Variants in CDK5RAP2 observed in about 807,000 individuals in gnomAD.
CDK5RAP2 encodes CDK5 regulatory subunit associated protein 2, also known as CDK5 regulatory subunit-associated protein 2.
A neutral mutation model predicts 232.9 loss-of-function variants in CDK5RAP2; 147 were observed. The ratio of observed to expected loss-of-function variants is 0.63; its 90% CI spans 0.55 to 0.72. The LOEUF is 0.72. CDK5RAP2 is among the 30% of genes least tolerant of loss of function. The pLI is 0.00. For synonymous variants in CDK5RAP2, 833 were observed against 833.7 expected (o/e 1.00, Z 0.01); for missense variants, 2,195 against 2,231.5 (o/e 0.98, Z 0.33).
rs2040466736 is a variant in CDK5RAP2, at chr9:120,518,528, T to C, written c.1210A>G (p.Ile404Val). ...NHRLRRSIKK[I>V]TQELSDLQQE... ...TGCAAGTCACTCAGCTCCTGGGTGA[T>C]CTTCTTAATGCTTCTACGCAGTCTG... Residue 404 changes from isoleucine (I) to valine (V), a missense_variant, in exon 12 of 38, where the codon ATC (isoleucine) becomes GTC (valine). Coordinates refer to ENST00000349780, the MANE Select transcript of CDK5RAP2 (RefSeq NM_018249.6). 3 of 1,613,732 alleles carry C rather than the reference T, an allele frequency of 1.9e-6. No individual in the cohort carries two copies. The highest frequency in any genetic ancestry group is 2.5e-6 in the Non-Finnish European group (3 of 1,179,928).
intron 22 of CDK5RAP2, among the ~76,000 whole-genome samples, chr9:120,445,159 T>C (rs1429822944): frequency 6.6e-6 from 1 of 152,232 alleles, no homozygotes; most frequent in African/African-American, 2.4e-5. Context: ...CCAAGGACAC[T>C]GCTTCTCCCG....
intron 27 of CDK5RAP2, among the ~76,000 whole-genome samples, chr9:120,417,453 T>A (rs997400007): frequency 2.6e-5 from 4 of 152,354 alleles, no homozygotes; most frequent in African/African-American, 9.6e-5. Context: ...GCTAGTCAGG[T>A]AGGAGTCAGT....
chr9:120,524,851 C>T, intron 11 of CDK5RAP2, 135 bp downstream of exon 11: 1 of 673,252 alleles, frequency 1.5e-6, no homozygotes, highest in Middle Eastern at 4.1e-4. Context: ...TTTAATTAGA[C>T]TAGCAAATTC....
At chr9:120,528,658 C>A in intron 9 of CDK5RAP2, 86 bp downstream of exon 9, 1 of 845,726 alleles carries the variant, frequency 1.2e-6, no homozygotes, top group East Asian at 2.5e-5. Context: ...TACTGTGACA[C>A]AGAATTATCT....
At chr9:120,454,617 A>T (rs2036653347) in intron 20 of CDK5RAP2, among the ~76,000 whole-genome samples, 2 of 152,242 alleles carry the variant, frequency 1.3e-5, no homozygotes, top group African/African-American at 2.4e-5. Context: ...CCATAGACAT[A>T]GTCCCACCTC....
intron 2 of CDK5RAP2, among the ~76,000 whole-genome samples, chr9:120,570,683 AC>A (rs1288706333): frequency 2.6e-5 from 4 of 152,076 alleles, no homozygotes; most frequent in Non-Finnish European, 5.9e-5. Flanking sequence ...TACTAAAAAT[AC>A]AAAAATTAGC....
At chr9:120,506,705 G>A (rs1419724971) in intron 12 of CDK5RAP2, among the ~76,000 whole-genome samples, 2 of 152,166 alleles carry the variant, frequency 1.3e-5, no homozygotes, top group Non-Finnish European at 2.9e-5. Context: ...GGTGGAAATA[G>A]CAAGAGAACT....
intron 20 of CDK5RAP2, among the ~76,000 whole-genome samples, chr9:120,454,590 G>A (rs73660250): frequency 5.3e-5 from 8 of 152,240 alleles, no homozygotes; most frequent in African/African-American, 1.2e-4. Flanking sequence ...CTTCAGCTGC[G>A]GCTGTGTGGA....
At chr9:120,473,476 C>T (rs1015188757) in intron 15 of CDK5RAP2, among the ~76,000 whole-genome samples, 1 of 152,200 alleles carries the variant, frequency 6.6e-6, no homozygotes, top group Admixed American at 6.5e-5. Flanking sequence ...AAAGAAGCCC[C>T]GCTTCTCCTT....
At chr9:120,421,556 A>G (rs1457859923) in intron 26 of CDK5RAP2, among the ~76,000 whole-genome samples, 2 of 152,146 alleles carry the variant, frequency 1.3e-5, no homozygotes, top group Non-Finnish European at 2.9e-5. Flanking sequence ...ACTGGTCTCT[A>G]TTTTATTCCC....
chr9:120,545,030 T>C (rs1487580005), intron 5 of CDK5RAP2, among the ~76,000 whole-genome samples: 1 of 152,190 alleles, frequency 6.6e-6, no homozygotes, highest in East Asian at 1.9e-4. Flanking sequence ...TTGTTCAATA[T>C]TTTAATAAAT....
At chr9:120,518,725 G>A (rs1012181340) in intron 11 of CDK5RAP2, 80 bp from the exon 12 acceptor site, 49 of 1,100,788 alleles carry the variant, frequency 4.5e-5, no homozygotes, top group African/African-American at 2.2e-4. Context: ...GCTCTTTTTC[G>A]CCGTGGGGGA....
At chr9:120,568,216 G>T in intron 3 of CDK5RAP2, 105 bp downstream of exon 3, 1 of 870,226 alleles carries the variant, frequency 1.1e-6, no homozygotes, top group Non-Finnish European at 2.0e-6. Flanking sequence ...CCTGCCTCTG[G>T]CATCACCGAA....
At chr9:120,468,582 G>C (rs936503152) in intron 17 of CDK5RAP2, among the ~76,000 whole-genome samples, 1 of 152,230 alleles carries the variant, frequency 6.6e-6, no homozygotes, top group African/African-American at 2.4e-5. Context: ...CTGAGGAGGG[G>C]AACAGACTAG....
chr9:120,476,656 G>A (rs2038030319), intron 15 of CDK5RAP2, among the ~76,000 whole-genome samples: 2 of 149,428 alleles, frequency 1.3e-5, no homozygotes. Flanking sequence ...TCCAGCCTGG[G>A]CAACAGAGCA....
intron 20 of CDK5RAP2, among the ~76,000 whole-genome samples, chr9:120,457,363 G>A (rs2036840246): frequency 6.6e-6 from 1 of 152,104 alleles, no homozygotes; most frequent in African/African-American, 2.4e-5. Flanking sequence ...ATTCCCACAT[G>A]GCCCTCAGAC....
At chr9:120,400,978 G>A (rs2032959598) in intron 34 of CDK5RAP2, 93 bp from the exon 35 acceptor site, 5 of 1,428,180 alleles carry the variant, frequency 3.5e-6, no homozygotes, top group East Asian at 4.7e-5. Context: ...CCAGACTGTA[G>A]GGCTTCTGTT....
At chr9:120,476,030 G>GGA (rs2037988280) in intron 15 of CDK5RAP2, among the ~76,000 whole-genome samples, 1 of 152,108 alleles carries the variant, frequency 6.6e-6, no homozygotes, top group African/African-American at 2.4e-5. Flanking sequence ...AGGACTGGGA[G>GGA]GAGACAAAGT....
At position 120,409,177 on chromosome 9, in the gene CDK5RAP2, G is replaced by A. The variant is rs1393037639; in HGVS notation, c.4554C>T (p.His1518=). The stretch of plus-strand genomic sequence containing the variant: ...GGACCTCCTGGATCAGCTGCTGGTT[G>A]TGTCTCTCCTTCTCGCTGCCTTCTT... ...LQKEGSEKER[H]NQQLIQEVRC... The change falls in exon 30 of 38, where the codon CAC becomes CAT. Residue 1518 remains histidine, a synonymous_variant. Transcript: ENST00000349780. The A allele has an allele frequency of 3.1e-6, 5 of 1,613,418 alleles. No homozygotes were observed. The African/African-American group carries it at 5.3e-5, about 17-fold the overall frequency.
Sources: gnomAD v4.1 joint callset for allele counts (sites outside exome capture counted in the v4.1 genomes callset) on GRCh38, gnomAD v4.1.1 for gene constraint, MANE v1.5 for transcripts, NCBI Gene and HGNC (gene_info 2026-07-23, HGNC 2026-07-21) for gene names.